The following CACNA1A variants were observed in gnomAD, a reference collection of about 807,000 sequenced individuals.
The protein encoded by CACNA1A is calcium voltage-gated channel subunit alpha1 A, also known as voltage-dependent P/Q-type calcium channel subunit alpha-1A.
In CACNA1A, 57 loss-of-function variants were observed where a neutral mutation model predicts 262.4. The observed-to-expected ratio is 0.22, with a 90% CI of 0.18 to 0.27. The LOEUF is 0.27. CACNA1A is among the 10% of genes least tolerant of loss of function. The pLI is 1.00. For synonymous variants in CACNA1A, 1,431 were observed against 1,419.3 expected, an observed-to-expected ratio of 1.01 and a Z score of -0.18; for missense variants, 2,526 against 3,562.8, an observed-to-expected ratio of 0.71 and a Z score of 7.41.
At chr19:13,261,393 TTCCCCCCTGCCC>T (rs2056731190) in intron 26 of CACNA1A, 45 bp downstream of exon 26, 1 of 1,487,816 alleles carries the variant, frequency 6.7e-7, no homozygotes, top group East Asian at 2.5e-5. Context: ...CTCTAGCCAC[TTCCCCCCTGCCC>T]ACCTGCTGGT....
chr19:13,374,938 T>G (rs1302373620), intron 3 of CACNA1A, among the ~76,000 whole-genome samples: 2 of 152,220 alleles, frequency 1.3e-5, no homozygotes, highest in East Asian at 3.8e-4. Flanking sequence ...CCCAAAGTGC[T>G]GGGATTATGG....
chr19:13,477,162 C>T (rs961792436), intron 1 of CACNA1A, among the ~76,000 whole-genome samples: 5 of 152,194 alleles, frequency 3.3e-5, no homozygotes, highest in Non-Finnish European at 5.9e-5. Flanking sequence ...GGCCTTTGCA[C>T]CAGCTGTTCC....
intron 3 of CACNA1A, among the ~76,000 whole-genome samples, chr19:13,428,436 C>A (rs1377935246): frequency 6.6e-6 from 1 of 152,182 alleles, no homozygotes. Context: ...CATAGTAGAA[C>A]CTCAGTGAGC....
At position 13,207,429 on chromosome 19, in the gene CACNA1A, C is replaced by T. The variant is rs778589827; in HGVS notation, c.7405G>A (p.Gly2469Ser). ...TAGTAGCCGTTGGGGAGTCGCCGGC[C>T]GTGCCGAGAAGGCGAGGCGCAGGCC... ...GPACASPSRH[G>S]RRLPNGYYPA... The change falls in exon 47 of 47, where the codon GGC (glycine) becomes AGC (serine). Residue 2469 changes from glycine (G) to serine (S), a missense_variant. Gly to Ser is a moderately conservative substitution (Grantham distance 56, BLOSUM62 0). Around this residue, in one of 17 missense-constraint regions of CACNA1A, gnomAD observed 929 missense variants for 868.1 expected, o/e 1.07. Coordinates refer to ENST00000360228, the MANE Select transcript of CACNA1A (RefSeq NM_001127222.2). This position sits in a 1 kb window ranked among gnomAD's most constrained non-coding sequence, Gnocchi z 5.7. The T allele has an allele frequency of 7.9e-6, 12 of 1,523,022 alleles. 1 individual carries two copies. The highest frequency in any genetic ancestry group is 3.6e-5 in the South Asian group (3 of 84,030). The allele number at this position is 1,523,022 out of a possible 1,614,324, so 94.3% of individuals were successfully genotyped here. A position where few individuals can be genotyped will look rare whatever the true frequency, so the allele number is the denominator to read the frequency against.
At chr19:13,245,291 G>T in intron 30 of CACNA1A, 26 bp from the exon 31 acceptor site, 2 of 1,591,712 alleles carry the variant, frequency 1.3e-6, no homozygotes, top group South Asian at 1.1e-5. Context: ...ACAAGACAGA[G>T]ATGCCAACAG....
chr19:13,400,150 T>G (rs997522391), intron 3 of CACNA1A, among the ~76,000 whole-genome samples: 1 of 152,070 alleles, frequency 6.6e-6, no homozygotes, highest in Non-Finnish European at 1.5e-5. Flanking sequence ...ATCAGACAGG[T>G]TGGGGAGATG....
At chr19:13,487,347 C>T (rs1248441038) in intron 1 of CACNA1A, among the ~76,000 whole-genome samples, 1 of 152,092 alleles carries the variant, frequency 6.6e-6, no homozygotes, top group Non-Finnish European at 1.5e-5. Flanking sequence ...GAGGAAGACC[C>T]AGAAATGCAG....
chr19:13,350,590 C>T (rs1488157840), intron 6 of CACNA1A, among the ~76,000 whole-genome samples: 46 of 152,210 alleles, frequency 3.0e-4, no homozygotes. Context: ...AGATATCATG[C>T]AAAGTCTTTT....
At chr19:13,489,581 T>C (rs1156382598) in intron 1 of CACNA1A, among the ~76,000 whole-genome samples, 1 of 152,194 alleles carries the variant, frequency 6.6e-6, no homozygotes, top group Non-Finnish European at 1.5e-5. Context: ...CTGGTCTGCA[T>C]CTGTAAGTGA....
chr19:13,437,346 C>T (rs570703452), intron 3 of CACNA1A, among the ~76,000 whole-genome samples: 5 of 152,262 alleles, frequency 3.3e-5, no homozygotes, highest in South Asian at 4.1e-4. Context: ...ACGCCGGCCT[C>T]GGTTTCCATA....
chr19:13,359,509 A>G, intron 6 of CACNA1A, 97 bp downstream of exon 6: 1 of 948,262 alleles, frequency 1.1e-6, no homozygotes, highest in Non-Finnish European at 1.6e-6. Context: ...TTCCCAGCTC[A>G]GGGTCCCTCC....
chr19:13,293,208 T>A (rs553992708), intron 19 of CACNA1A, among the ~76,000 whole-genome samples: 5 of 152,106 alleles, frequency 3.3e-5, no homozygotes, highest in Non-Finnish European at 5.9e-5. Flanking sequence ...GAGTACTTAA[T>A]AATATTCATA....
At chr19:13,366,765 C>T (rs971248294) in intron 4 of CACNA1A, among the ~76,000 whole-genome samples, 3 of 151,852 alleles carry the variant, frequency 2.0e-5, no homozygotes, top group Admixed American at 6.6e-5. Context: ...TGCCAAGAGG[C>T]GGTGTCTTTT....
chr19:13,208,930 G>A lies in CACNA1A; in HGVS notation c.6606C>T (p.Pro2202=), dbSNP rs1219161255. ...GGTGCTGTCGATGCTTCCGATCCTTGGGCCGGCCCCGCTCCTGGTCCCGCT... is the reference window on the plus strand; with the variant it reads ...GGTGCTGTCGATGCTTCCGATCCTTAGGCCGGCCCCGCTCCTGGTCCCGCT... ...SKERDQERGR[P]KDRKHRQHHH... Residue 2202 remains proline (P), a synonymous_variant, in exon 46 of 47, where the codon CCC becomes CCT. Transcript: ENST00000360228. 3 of 1,537,518 alleles carry A rather than the reference G, an allele frequency of 2.0e-6. No individual in the cohort carries two copies. The highest frequency in any genetic ancestry group is 1.7e-6 in the Non-Finnish European group (2 of 1,146,888).
intron 27 of CACNA1A, chr19:13,258,714 G>GA (rs2056639365): frequency 1.3e-5 from 2 of 152,110 alleles, no homozygotes; most frequent in Non-Finnish European, 1.5e-5. Flanking sequence ...TGAGGATGCT[G>GA]AGGGCACATG....
chr19:13,243,903 T>G (rs558772875), intron 31 of CACNA1A: 1 of 152,552 alleles, frequency 6.6e-6, no homozygotes, highest in South Asian at 2.1e-4. Flanking sequence ...ACCCTCTTCC[T>G]CAGGCCCGAC....
chr19:13,426,682 G>A (rs1305523729), intron 3 of CACNA1A, among the ~76,000 whole-genome samples: 2 of 152,186 alleles, frequency 1.3e-5, no homozygotes, highest in African/African-American at 2.4e-5. Context: ...AGCTAAAGAG[G>A]CAACTGGTAA....
rs1568507881 is a variant in CACNA1A, at chr19:13,298,763, C to T, written c.2870G>A (p.Arg957His). ...PRTGADGEHRRHRAHRRPGEE... is the reference protein window; with the variant it reads ...PRTGADGEHRHHRAHRRPGEE... ...CCCGGGCCTGCGGTGCGCGCGATGA[C>T]GTCGATGCTCCCCGTCCGCGCCCGT... The change falls in exon 19 of 47, where the codon CGT (arginine) becomes CAT (histidine). Residue 957 changes from arginine (R) to histidine (H), a missense_variant. Physicochemically the swap from Arg to His is conservative, Grantham distance 29. Coordinates refer to ENST00000360228, the MANE Select transcript of CACNA1A (RefSeq NM_001127222.2). 1.3e-6 allele frequency: 2 copies of T among 1,518,918 alleles called. No homozygotes were observed. Among genetic ancestry groups the T allele is most frequent in the Non-Finnish European group, 1.8e-6 (2 of 1,141,660 alleles). 94.1% of individuals were successfully genotyped at this position (1,518,918 alleles called of 1,614,324 possible). A position where few individuals can be genotyped will look rare whatever the true frequency, so the allele number is the denominator to read the frequency against.
chr19:13,409,141 T>C (rs755668671), intron 3 of CACNA1A, among the ~76,000 whole-genome samples: 52 of 152,258 alleles, frequency 3.4e-4, no homozygotes, highest in African/African-American at 4.6e-4. Flanking sequence ...GACAGGTCCA[T>C]TGATACAATC....
Sources: gnomAD v4.1 joint callset for allele counts (sites outside exome capture counted in the v4.1 genomes callset) on GRCh38, gnomAD v4.1.1 for gene constraint, gnomAD v4.1.1 regional missense constraint, Gnocchi (gnomAD v3.1) non-coding constraint, MANE v1.5 for transcripts, NCBI Gene and HGNC (gene_info 2026-07-23, HGNC 2026-07-21) for gene names.